TRAPPC8: variants seen among roughly 807,000 people sequenced by gnomAD.
The protein encoded by TRAPPC8 is general sporulation gene 1 homolog.
In TRAPPC8, 54 loss-of-function variants were observed where a neutral mutation model predicts 174.3. That is an observed-to-expected ratio of 0.31 (90% CI 0.25 to 0.39). The LOEUF (loss-of-function observed/expected upper bound fraction) is 0.39. TRAPPC8 is among the 10% of genes least tolerant of loss of function. The pLI, the probability that TRAPPC8 is intolerant of heterozygous loss-of-function variation, is 1.00. For missense variants in TRAPPC8, 1,531 were observed against 1,699.1 expected (o/e 0.90, Z 1.74); for synonymous variants, 630 against 579.9 (o/e 1.09, Z -1.24).
At chr18:31,918,794 C>T (rs1430826633) in intron 2 of TRAPPC8, among the ~76,000 whole-genome samples, 1 of 152,118 alleles carries the variant, frequency 6.6e-6, no homozygotes, top group African/African-American at 2.4e-5. Context: ...TCTCTTGTTC[C>T]ACATCAAGTA....
chr18:31,918,786 T>C (rs938223848), intron 2 of TRAPPC8, among the ~76,000 whole-genome samples: 3 of 152,236 alleles, frequency 2.0e-5, no homozygotes, highest in Admixed American at 6.6e-5. Context: ...GTCAACTCTC[T>C]CTTGTTCCAC....
Position 31,866,944 on chromosome 18 carries a change from C to G in TRAPPC8, c.2495G>C (p.Gly832Ala). ...AACAACTCCCAGAATATGCAGCTCC[C>G]CTATGTGATGGGGAAAGAGCTTTAG... Reference protein sequence around the residue: ...ARLKLFPHHIGELHILGVVYN... With the variant: ...ARLKLFPHHIAELHILGVVYN... The change falls in exon 18 of 29, where the codon GGG (glycine) becomes GCG (alanine). Residue 832 changes from glycine to alanine, a missense_variant. Physicochemically the swap from Gly to Ala is moderately conservative, Grantham distance 60. Transcript: ENST00000283351. 1 of 1,613,596 alleles carries G rather than the reference C, an allele frequency of 6.2e-7. No individual in the cohort carries two copies. Among genetic ancestry groups the G allele is most frequent in the Non-Finnish European group, 8.5e-7 (1 of 1,179,724 alleles).
intron 2 of TRAPPC8, among the ~76,000 whole-genome samples, chr18:31,922,993 G>C (rs2037455381): frequency 6.6e-6 from 1 of 152,104 alleles, no homozygotes; most frequent in Admixed American, 6.5e-5. Context: ...CTCCAGCATG[G>C]GTGACATAAT....
chr18:31,923,930 T>A (rs1399374526), intron 2 of TRAPPC8, among the ~76,000 whole-genome samples: 2 of 152,098 alleles, frequency 1.3e-5, no homozygotes, highest in Non-Finnish European at 2.9e-5. Flanking sequence ...GAGGATCACC[T>A]GAGGTCAGGA....
rs748233639 is a variant in TRAPPC8, at chr18:31,846,766, C to T, written c.3787G>A (p.Val1263Ile). 1.2e-5 allele frequency: 20 copies of T among 1,612,760 alleles called. No individual in the cohort carries two copies. The East Asian group carries it at 4.5e-4, about 36-fold the overall frequency. ...TCTTTTCCTATAGTGCGAAGAATAA[C>T]ATGATGTTGACCTTCCAAAATAAGC... ...KQLILEGQHH[V>I]ILRTIGKEAF... is the part of the protein sequence containing the mutation. The change falls in exon 26 of 29, where the codon GTT becomes ATT. Residue 1263 changes from valine to isoleucine, a missense_variant. Coordinates refer to ENST00000283351, the MANE Select transcript of TRAPPC8 (RefSeq NM_014939.5).
chr18:31,866,717 T>A, intron 18 of TRAPPC8, 132 bp downstream of exon 18: 1 of 995,184 alleles, frequency 1.0e-6, no homozygotes. Flanking sequence ...TTTGTCATTC[T>A]TACATCTGGC....
At chr18:31,918,363 G>A (rs2037237158) in intron 2 of TRAPPC8, among the ~76,000 whole-genome samples, 1 of 152,108 alleles carries the variant, frequency 6.6e-6, no homozygotes, top group Non-Finnish European at 1.5e-5. Flanking sequence ...CTGTGACCCT[G>A]CCACTAGTCA....
Position 31,870,515 on chromosome 18 carries a change from A to G in TRAPPC8, c.2258-13T>C. The stretch of plus-strand genomic sequence containing the variant: ...ACTGTAATTGGTTCTATTAAAAAAA[A>G]GGCCTAAATTAATAACTTTAATAAA... On this transcript the variant is annotated splice_polypyrimidine_tract_variant and intron_variant, in intron 15 of 28. Coordinates refer to ENST00000283351, the MANE Select transcript of TRAPPC8 (RefSeq NM_014939.5). 1.9e-6 allele frequency: 3 copies of G among 1,596,860 alleles called. No individual in the cohort carries two copies. Among genetic ancestry groups the G allele is most frequent in the Non-Finnish European group, 2.6e-6 (3 of 1,174,588 alleles).
chr18:31,880,289 A>G (rs1188053063), intron 12 of TRAPPC8, among the ~76,000 whole-genome samples: 1 of 151,604 alleles, frequency 6.6e-6, no homozygotes, highest in East Asian at 1.9e-4. Flanking sequence ...TGGACATCAA[A>G]AAGTCAAATT....
intron 10 of TRAPPC8, 53 bp downstream of exon 10, chr18:31,900,872 A>T: frequency 2.9e-6 from 4 of 1,383,504 alleles, no homozygotes; most frequent in Non-Finnish European, 3.9e-6. Flanking sequence ...AAAAAAAAAA[A>T]GAACAAACTG....
chr18:31,850,623 T>C (rs2033659325), intron 24 of TRAPPC8, among the ~76,000 whole-genome samples: 1 of 152,202 alleles, frequency 6.6e-6, no homozygotes, highest in Non-Finnish European at 1.5e-5. Flanking sequence ...GTATATATCA[T>C]GTAGATGTTA....
chr18:31,923,859 T>C (rs1182287438), intron 2 of TRAPPC8, among the ~76,000 whole-genome samples: 2 of 152,006 alleles, frequency 1.3e-5, no homozygotes, highest in Non-Finnish European at 2.9e-5. Context: ...GTTCTAAAAA[T>C]AATAAGGCCG....
chr18:31,942,826 G>A lies in TRAPPC8; in HGVS notation c.-62C>T. On this transcript the variant is annotated 5_prime_UTR_variant, in exon 1 of 29. Transcript: ENST00000283351. Reference sequence around the variant, plus strand: ...GCCCACCCTGCGAGGTTATCCTGCGGCTGCAGCAGCTACCGCCGCCGCCCG... The same window carrying A: ...GCCCACCCTGCGAGGTTATCCTGCGACTGCAGCAGCTACCGCCGCCGCCCG... 1 of 1,273,114 alleles carries A rather than the reference G, an allele frequency of 7.9e-7. No homozygotes were observed. Among genetic ancestry groups the A allele is most frequent in the Non-Finnish European group, 9.9e-7 (1 of 1,006,426 alleles). The allele number at this position is 1,273,114 out of a possible 1,614,324, so 78.9% of individuals were successfully genotyped here. A position where few individuals can be genotyped will look rare whatever the true frequency, so the allele number is the denominator to read the frequency against.
At chr18:31,940,459 C>A (rs2038283280) in intron 1 of TRAPPC8, among the ~76,000 whole-genome samples, 1 of 152,114 alleles carries the variant, frequency 6.6e-6, no homozygotes, top group Non-Finnish European at 1.5e-5. Context: ...GGGCAAGACT[C>A]CATCTCCAAA....
intron 18 of TRAPPC8, among the ~76,000 whole-genome samples, chr18:31,866,510 AAG>A (rs2034594155): frequency 1.3e-5 from 2 of 152,174 alleles, no homozygotes; most frequent in Admixed American, 6.5e-5. Flanking sequence ...TCAAAAAAAA[AAG>A]AACATATTAA....
chr18:31,933,255 C>T (rs1183580069), intron 1 of TRAPPC8, among the ~76,000 whole-genome samples: 4 of 139,990 alleles, frequency 2.9e-5, no homozygotes, highest in East Asian at 2.2e-4. Context: ...GAGCTGAGAT[C>T]GTGCCACTGC....
intron 2 of TRAPPC8, among the ~76,000 whole-genome samples, chr18:31,928,585 T>A (rs975233805): frequency 2.0e-5 from 3 of 152,172 alleles, no homozygotes; most frequent in African/African-American, 7.2e-5. Context: ...TTTTGTTTTT[T>A]AAATATGATA....
Position 31,866,862 on chromosome 18 carries a change from G to C in TRAPPC8, c.2577C>G (p.Pro859=). ...TATAGCCTTTACCTGTGTGACATCC[G>C]GGAAGAGCACCAATGCCATCTACTG... The part of the protein sequence containing the change: ...SMTVDGIGAL[P]GCHTGKYSLS... The change falls in exon 18 of 29, where the codon CCC becomes CCG. Residue 859 remains proline, a synonymous_variant. Coordinates refer to ENST00000283351, the MANE Select transcript of TRAPPC8 (RefSeq NM_014939.5). 2 of 1,612,982 alleles carry C rather than the reference G, an allele frequency of 1.2e-6. No individual in the cohort carries two copies. Among genetic ancestry groups the C allele is most frequent in the South Asian group, 2.2e-5 (2 of 91,006 alleles).
intron 19 of TRAPPC8, 23 bp downstream of exon 19, chr18:31,864,604 T>C (rs559882360): frequency 1.2e-6 from 2 of 1,602,828 alleles, no homozygotes; most frequent in East Asian, 4.5e-5. Flanking sequence ...ATTAAGTCCA[T>C]GAAATTTTAA....
Sources: allele counts gnomAD v4.1 joint callset (sites outside exome capture counted in the v4.1 genomes callset), GRCh38; gene constraint gnomAD v4.1.1; transcripts MANE v1.5; gene names NCBI Gene and HGNC (gene_info 2026-07-23, HGNC 2026-07-21).